Variants in DYNC2I2 observed in about 807,000 individuals in gnomAD.
DYNC2I2 encodes the protein cytoplasmic dynein 2 intermediate chain 2.
In DYNC2I2, 39 loss-of-function variants were observed where a neutral mutation model predicts 52.0. That is an observed-to-expected ratio of 0.75 (90% CI 0.58 to 0.98). The LOEUF (loss-of-function observed/expected upper bound fraction) is 0.98, where lower values mean the gene tolerates loss of function less well. Among genes scored for constraint, DYNC2I2 ranks in the 50% least tolerant of loss-of-function variants. The pLI is 0.00. For missense variants in DYNC2I2, 743 were observed against 728.4 expected, an observed-to-expected ratio of 1.02 and a Z score of -0.23; for synonymous variants, 359 against 321.1, an observed-to-expected ratio of 1.12 and a Z score of -1.26.
intron 1 of DYNC2I2, among the ~76,000 whole-genome samples, chr9:128,652,578 G>C (rs1277278714): frequency 2.0e-5 from 3 of 146,712 alleles, no homozygotes; most frequent in Admixed American, 2.0e-4. Flanking sequence ...ACCCAAGATT[G>C]TGCCATTGCA....
rs1215283250 is a variant in DYNC2I2 at position 128,633,787 on chromosome 9, T to C, written c.1568A>G (p.Glu523Gly). The change falls in exon 9 of 9, where the codon GAA (glutamate) becomes GGA (glycine). Residue 523 changes from glutamate (E) to glycine (G), a missense_variant. By Grantham distance (98) the Glu-to-Gly change is moderately conservative. Coordinates refer to ENST00000372715, the MANE Select transcript of DYNC2I2 (RefSeq NM_052844.4). Reference sequence around the variant, plus strand: ...TGCCAGGCAGTCCAGGTCCTCAGCTTCCCGGGGCCCTTGTTCCGTGAACTC... The same window carrying C: ...TGCCAGGCAGTCCAGGTCCTCAGCTCCCCGGGGCCCTTGTTCCGTGAACTC... ...STEFTEQGPR[E>G]AEDLDCLAAE... is the part of the protein sequence containing the mutation. 1.2e-6 allele frequency: 2 copies of C among 1,613,498 alleles called. No individual in the cohort carries two copies. The highest frequency in any genetic ancestry group is 1.7e-6 in the Non-Finnish European group (2 of 1,180,028).
chr9:128,683,587 C>A, the DYNC2I2 span: 1 of 295,990 alleles, frequency 3.4e-6, no homozygotes, highest in South Asian at 9.2e-5. Flanking sequence ...CACGTGAAAC[C>A]AGGAGGTCTA....
intron 1 of DYNC2I2, among the ~76,000 whole-genome samples, chr9:128,642,075 CAGG>C (rs1444430197): frequency 6.6e-6 from 1 of 151,698 alleles, no homozygotes; most frequent in African/African-American, 2.4e-5. Flanking sequence ...ATCACAAGAT[CAGG>C]AGATCAAGAC....
At chr9:128,644,765 C>G (rs1004122230) in intron 1 of DYNC2I2, among the ~76,000 whole-genome samples, 28 of 152,224 alleles carry the variant, frequency 1.8e-4, no homozygotes, top group African/African-American at 6.5e-4. Flanking sequence ...ACAAGCCTAT[C>G]GGGCCATTTT....
At chr9:128,679,510 T>C in the DYNC2I2 span, among the ~76,000 whole-genome samples, 147,451 of 152,236 alleles carry the variant, frequency 0.97, 71,515 homozygotes, top group Non-Finnish European at 1. Context: ...GTTGACCCAG[T>C]TGGAGTGCAG....
chr9:128,667,957 T>C, the DYNC2I2 span, among the ~76,000 whole-genome samples: 1 of 88,576 alleles, frequency 1.1e-5, no homozygotes, highest in Non-Finnish European at 2.2e-5. Flanking sequence ...GGTCTCGATC[T>C]CTTTTTTTTT....
chr9:128,653,706 ACT>A (rs1860763145), intron 1 of DYNC2I2, among the ~76,000 whole-genome samples: 1 of 145,630 alleles, frequency 6.9e-6, no homozygotes. Context: ...ACAGAGCGAG[ACT>A]CTGTCTCCAA....
At chr9:128,681,801 C>T in the DYNC2I2 span, among the ~76,000 whole-genome samples, 9 of 152,210 alleles carry the variant, frequency 5.9e-5, no homozygotes, top group Non-Finnish European at 8.8e-5. Context: ...AGGTTGGGTG[C>T]GGTGGCTCAC....
Position 128,656,604 on chromosome 9 carries a change from C to T in DYNC2I2, c.123G>A (p.Glu41=). ...GPGRPGPLQD[E]TLGVASVPSQ... is the part of the protein sequence containing the mutation. ...AGGGCACGGACGCCACACCCAGGGTCTCGTCCTGCAGCGGCCCTGGCCGCC... is the reference window on the plus strand; with the variant it reads ...AGGGCACGGACGCCACACCCAGGGTTTCGTCCTGCAGCGGCCCTGGCCGCC... The change falls in exon 1 of 9, where the codon GAG becomes GAA. Residue 41 remains glutamate (E), a synonymous_variant. Transcript: ENST00000372715. 15 of 1,493,700 alleles carry T rather than the reference C, an allele frequency of 1.0e-5. No homozygotes were observed. Among genetic ancestry groups the T allele is most frequent in the Non-Finnish European group, 1.3e-5 (15 of 1,129,570 alleles). 92.5% of individuals were successfully genotyped at this position (1,493,700 alleles called of 1,614,324 possible). A position where few individuals can be genotyped will look rare whatever the true frequency, so the allele number is the denominator to read the frequency against.
At position 128,641,172 on chromosome 9, in the gene DYNC2I2, A is replaced by G. The variant is rs114060667; in HGVS notation, c.187-233T>C. Among the ~76,000 whole-genome samples, 589 of 152,250 alleles carry G rather than the reference A, an allele frequency of 3.9e-3. 4 individuals are homozygous for G. The highest frequency in any genetic ancestry group is 0.014 in the African/African-American group (563 of 41,548). ...GTCCCTACCTCAGCCACAGTGACCA[A>G]TTCAGGGCTGGCCAAGTGACCAACA... On this transcript the variant is annotated intron_variant, in intron 1 of 8. Transcript: ENST00000372715.
At chr9:128,664,264 C>G in the DYNC2I2 span, among the ~76,000 whole-genome samples, 1 of 150,340 alleles carries the variant, frequency 6.7e-6, no homozygotes, top group Non-Finnish European at 1.5e-5. Context: ...TTTAGCATAT[C>G]CTTCCCCGAT....
chr9:128,650,336 C>T lies in DYNC2I2; in HGVS notation c.186+6205G>A, dbSNP rs1162264351. Among the ~76,000 whole-genome samples, 2 of 55,122 alleles carry T rather than the reference C, an allele frequency of 3.6e-5. 1 individual carries two copies. The highest frequency in any genetic ancestry group is 5.8e-4 in the East Asian group (2 of 3,446). 36.2% of individuals were successfully genotyped at this position (55,122 alleles called of 152,430 possible). A position where few individuals can be genotyped will look rare whatever the true frequency, so the allele number is the denominator to read the frequency against. On this transcript the variant is annotated intron_variant, in intron 1 of 8. Coordinates refer to ENST00000372715, the MANE Select transcript of DYNC2I2 (RefSeq NM_052844.4). ...TTCACTTGGCTTTCTGGTCAACAGT[C>T]CCATTCAACCCCATAAGAAGTATCC...
At chr9:128,635,319 C>T in intron 5 of DYNC2I2, 60 bp from the exon 6 acceptor site, 1 of 1,554,620 alleles carries the variant, frequency 6.4e-7, no homozygotes, top group Non-Finnish European at 8.7e-7. Context: ...AGGTGTCACG[C>T]TCCACCCCTA....
In DYNC2I2 at chr9:128,655,797, G is replaced by A. The variant is rs1287251137; in HGVS notation, c.186+744C>T. Among the ~76,000 whole-genome samples, 5 of 150,924 alleles carry A rather than the reference G, an allele frequency of 3.3e-5. No individual in the cohort carries two copies. In the East Asian group the frequency reaches 9.8e-4, roughly 29 times the overall value. ...GTGCTGGCGGCCGCCTGTAGTCCCAGCTACTGGGGAGGCTGGGGCAGGAGA... is the reference window on the plus strand; with the variant it reads ...GTGCTGGCGGCCGCCTGTAGTCCCAACTACTGGGGAGGCTGGGGCAGGAGA... On this transcript the variant is annotated intron_variant, in intron 1 of 8. Transcript: ENST00000372715.
the DYNC2I2 span, among the ~76,000 whole-genome samples, chr9:128,672,750 G>A: frequency 1.4e-4 from 22 of 152,228 alleles, no homozygotes; most frequent in African/African-American, 3.6e-4. Flanking sequence ...TTTATTGGCC[G>A]GGCGCGGTGG....
At chr9:128,637,545 T>G (rs1053781878) in intron 2 of DYNC2I2, among the ~76,000 whole-genome samples, 3 of 152,144 alleles carry the variant, frequency 2.0e-5, no homozygotes, top group Non-Finnish European at 4.4e-5. Context: ...TGGGTTCAAG[T>G]GATTCTCATG....
intron 1 of DYNC2I2, among the ~76,000 whole-genome samples, chr9:128,646,101 A>T (rs1339460344): frequency 6.6e-6 from 1 of 152,234 alleles, no homozygotes; most frequent in Non-Finnish European, 1.5e-5. Context: ...TACAAATACA[A>T]GGTGAAGCAG....
At chr9:128,668,669 A>C in the DYNC2I2 span, among the ~76,000 whole-genome samples, 1 of 151,924 alleles carries the variant, frequency 6.6e-6, no homozygotes, top group Non-Finnish European at 1.5e-5. Context: ...AAAAATACAA[A>C]AATTAGCAGG....
chr9:128,668,285 T>C, the DYNC2I2 span, among the ~76,000 whole-genome samples: 3 of 138,988 alleles, frequency 2.2e-5, no homozygotes, highest in Non-Finnish European at 5.0e-5. Context: ...CCTTGTAATC[T>C]GCCCGCCTCC....
Sources: allele counts gnomAD v4.1 joint callset (sites outside exome capture counted in the v4.1 genomes callset), GRCh38; gene constraint gnomAD v4.1.1; transcripts MANE v1.5; gene names NCBI Gene and HGNC (gene_info 2026-07-23, HGNC 2026-07-21).